The following CYP7B1 variants were observed in gnomAD, a reference collection of about 807,000 sequenced individuals.
The protein encoded by CYP7B1 is cytochrome P450 7B1.
A neutral mutation model predicts 42.7 loss-of-function variants in CYP7B1; 29 were observed. The ratio of observed to expected loss-of-function variants is 0.68; its 90% CI spans 0.51 to 0.93. The LOEUF (loss-of-function observed/expected upper bound fraction) is 0.93. Among genes scored for constraint, CYP7B1 ranks in the 40% least tolerant of loss-of-function variants. The pLI, the probability that CYP7B1 is intolerant of heterozygous loss-of-function variation, is 0.00. For synonymous variants in CYP7B1, 235 were observed against 218.2 expected (o/e 1.08, Z -0.68); for missense variants, 655 against 600.5 (o/e 1.09, Z -0.95).
chr8:64,769,921 C>T (rs967869073), intron 1 of CYP7B1, among the ~76,000 whole-genome samples: 4 of 152,140 alleles, frequency 2.6e-5, no homozygotes, highest in Admixed American at 6.5e-5. Context: ...CAGAACAATA[C>T]GGGGACAACG....
At chr8:64,694,990 C>T (rs916362269) in intron 1 of CYP7B1, among the ~76,000 whole-genome samples, 1 of 152,122 alleles carries the variant, frequency 6.6e-6, no homozygotes, top group Admixed American at 6.5e-5. Flanking sequence ...CTGAATCTGA[C>T]GTCAATAATG....
At chr8:64,702,463 C>T (rs1224484353) in intron 1 of CYP7B1, among the ~76,000 whole-genome samples, 2 of 152,024 alleles carry the variant, frequency 1.3e-5, no homozygotes, top group African/African-American at 2.4e-5. Flanking sequence ...TGTTTTTTCA[C>T]ATCTTCAGTT....
At chr8:64,785,949 CAGAGA>C (rs1804519363) in intron 1 of CYP7B1, among the ~76,000 whole-genome samples, 1 of 152,136 alleles carries the variant, frequency 6.6e-6, no homozygotes, top group Admixed American at 6.5e-5. Flanking sequence ...GACAACAGAA[CAGAGA>C]AGTGCCAGCA....
At chr8:64,690,112 C>T (rs371386849) in intron 1 of CYP7B1, among the ~76,000 whole-genome samples, 1 of 152,078 alleles carries the variant, frequency 6.6e-6, no homozygotes, top group South Asian at 2.1e-4. Context: ...AAGTAATGAT[C>T]GGGGGCCAAG....
At chr8:64,690,451 T>G (rs1397676789) in intron 1 of CYP7B1, among the ~76,000 whole-genome samples, 1 of 152,032 alleles carries the variant, frequency 6.6e-6, no homozygotes, top group Admixed American at 6.6e-5. Context: ...TGTTGTGTAT[T>G]TTTTTTGGAG....
chr8:64,737,539 A>G (rs1807507772), intron 1 of CYP7B1, among the ~76,000 whole-genome samples: 1 of 152,216 alleles, frequency 6.6e-6, no homozygotes, highest in South Asian at 2.1e-4. Context: ...AGTTAAATAA[A>G]TGTTAATGCA....
Position 64,607,763 on chromosome 8 carries a change from A to G in CYP7B1, c.1058-2906T>C, listed in dbSNP as rs556049644. 2.0e-5 allele frequency among the ~76,000 whole-genome samples: 3 copies of G among 152,362 alleles called. No homozygotes were observed. In the East Asian group the frequency reaches 5.8e-4, roughly 29 times the overall value. ...ATATGGAAGTTAATTTTAATTAAAG[A>G]TGATCTCTATCTGTAAATGTTTTAT... On this transcript the variant is annotated intron_variant, in intron 4 of 5. Coordinates refer to ENST00000310193, the MANE Select transcript of CYP7B1 (RefSeq NM_004820.5).
At chr8:64,599,352 C>A (rs1047900948) in intron 5 of CYP7B1, among the ~76,000 whole-genome samples, 2 of 152,088 alleles carry the variant, frequency 1.3e-5, no homozygotes, top group African/African-American at 4.8e-5. Flanking sequence ...CCACGCCCGG[C>A]TAATTTTTTG....
At chr8:64,795,670 T>C (rs34520115) in intron 1 of CYP7B1, among the ~76,000 whole-genome samples, 41,020 of 152,096 alleles carry the variant, frequency 0.27, 6,840 homozygotes, top group African/African-American at 0.47. Flanking sequence ...TTCCCATCTC[T>C]CTCACACATC....
chr8:64,734,497 C>G (rs567436448), intron 1 of CYP7B1: 2 of 152,304 alleles, frequency 1.3e-5, no homozygotes, highest in East Asian at 3.9e-4. Flanking sequence ...TTCTCAAGCC[C>G]TTTCATAAGG....
intron 1 of CYP7B1, among the ~76,000 whole-genome samples, chr8:64,642,262 ATT>A (rs755950958): frequency 4.8e-5 from 7 of 146,594 alleles, no homozygotes; most frequent in African/African-American, 1.7e-4. Context: ...TCTATTTTAA[ATT>A]TTTTTTTTTT....
At chr8:64,736,605 C>T (rs1264511661) in intron 1 of CYP7B1, among the ~76,000 whole-genome samples, 1 of 152,106 alleles carries the variant, frequency 6.6e-6, no homozygotes, top group Non-Finnish European at 1.5e-5. Flanking sequence ...TGCCTGCCAC[C>T]ACACCCAGCT....
intron 1 of CYP7B1, among the ~76,000 whole-genome samples, chr8:64,702,215 A>T (rs1585865497): frequency 1.3e-5 from 2 of 152,076 alleles, no homozygotes; most frequent in African/African-American, 4.8e-5. Context: ...TAACCTCTGC[A>T]CTGCACAAGA....
At chr8:64,738,373 C>A (rs1807521112) in intron 1 of CYP7B1, among the ~76,000 whole-genome samples, 1 of 146,832 alleles carries the variant, frequency 6.8e-6, no homozygotes, top group Non-Finnish European at 1.6e-5. Context: ...AAAAAAAAAT[C>A]TTCTCAAAGA....
rs149993514 is a variant in CYP7B1 at position 64,728,554 on chromosome 8, C to T, written c.122+69912G>A. 2.0e-5 allele frequency among the ~76,000 whole-genome samples: 3 copies of T among 152,118 alleles called. No homozygotes were observed. The South Asian group carries it at 6.2e-4, about 32-fold the overall frequency. On this transcript the variant is annotated intron_variant, in intron 1 of 5. Coordinates refer to ENST00000310193, the MANE Select transcript of CYP7B1 (RefSeq NM_004820.5). ...AAAGACTTCTCCTTCCGGATGTATT[C>T]AAATTTTAAGTTATTATAATTGTTG...
rs758478558 is a variant in CYP7B1 at position 64,616,002 on chromosome 8, A to T, written c.539T>A (p.Leu180Gln). ...LKTTSWDTAE[L>Q]YPFCSSIIFE... ...TATTATTGAGCTGCAGAATGGATACAGTTCTGCCGTGTCCCAACTTGTGGT... is the reference window on the plus strand; with the variant it reads ...TATTATTGAGCTGCAGAATGGATACTGTTCTGCCGTGTCCCAACTTGTGGT... Residue 180 changes from leucine (L) to glutamine (Q), a missense_variant, in exon 3 of 6, where the codon CTG (leucine) becomes CAG (glutamine). Transcript: ENST00000310193. 1.2e-6 allele frequency: 2 copies of T among 1,613,776 alleles called. No individual in the cohort carries two copies. Among genetic ancestry groups the T allele is most frequent in the Non-Finnish European group, 1.7e-6 (2 of 1,179,840 alleles).
At chr8:64,780,993 A>G (rs567742238) in intron 1 of CYP7B1, among the ~76,000 whole-genome samples, 1 of 152,302 alleles carries the variant, frequency 6.6e-6, no homozygotes, top group Non-Finnish European at 1.5e-5. Context: ...TTTAAAATTC[A>G]TGGAGTTGCT....
chr8:64,709,754 G>GGAAAAA (rs549843348), intron 1 of CYP7B1, among the ~76,000 whole-genome samples: 42 of 152,064 alleles, frequency 2.8e-4, no homozygotes, highest in Non-Finnish European at 5.1e-4. Context: ...TTTCAAAGGA[G>GGAAAAA]GAAAAAGAAA....
At chr8:64,637,539 A>G (rs1441334476) in intron 1 of CYP7B1, among the ~76,000 whole-genome samples, 1 of 152,166 alleles carries the variant, frequency 6.6e-6, no homozygotes, top group Non-Finnish European at 1.5e-5. Flanking sequence ...TTACTTCAGG[A>G]AATCCATCAT....
Sources: allele counts gnomAD v4.1 joint callset (sites outside exome capture counted in the v4.1 genomes callset), GRCh38; gene constraint gnomAD v4.1.1; transcripts MANE v1.5; gene names NCBI Gene and HGNC (gene_info 2026-07-23, HGNC 2026-07-21).